The following ADCY2 variants were observed in gnomAD, a reference collection of about 807,000 sequenced individuals.
ADCY2 encodes the protein adenylate cyclase 2.
In ADCY2, 31 loss-of-function variants were observed where a neutral mutation model predicts 125.2. The ratio of observed to expected loss-of-function variants is 0.25; its 90% CI spans 0.19 to 0.33. ADCY2 has a LOEUF of 0.33. Among genes scored for constraint, ADCY2 ranks in the 10% least tolerant of loss-of-function variants. The probability of loss-of-function intolerance (pLI) is 1.00; values close to 1 mark genes in which losing one functional copy is unlikely to be tolerated. For missense variants in ADCY2, 904 were observed against 1,418.2 expected (o/e 0.64, Z 5.82); for synonymous variants, 512 against 548.4 (o/e 0.93, Z 0.93).
intron 3 of ADCY2, among the ~76,000 whole-genome samples, chr5:7,531,147 ATAAG>A (rs1734627426): frequency 6.6e-6 from 1 of 152,298 alleles, no homozygotes; most frequent in Admixed American, 6.5e-5. Flanking sequence ...ACTCCTTGGC[ATAAG>A]TAAGAGGGAA....
intron 3 of ADCY2, among the ~76,000 whole-genome samples, chr5:7,565,598 T>G (rs1235970357): frequency 6.6e-6 from 1 of 152,206 alleles, no homozygotes; most frequent in African/African-American, 2.4e-5. Context: ...ACAATTGTAG[T>G]TTGAGCTACA....
At chr5:7,769,894 G>A (rs1193410704) in intron 17 of ADCY2, among the ~76,000 whole-genome samples, 1 of 152,152 alleles carries the variant, frequency 6.6e-6, no homozygotes, top group Non-Finnish European at 1.5e-5. Flanking sequence ...TAGCAATCAG[G>A]TTACCAGTAA....
rs138985597 is a variant in ADCY2, at chr5:7,797,782, T to A, written c.2629-4436T>A. ...GAAAGAGGGTTTGGGTAGAATGTAG[T>A]GGGGATGAGCCCCCTCCTAGAGGGG... On this transcript the variant is annotated intron_variant, in intron 20 of 24. Coordinates refer to ENST00000338316, the MANE Select transcript of ADCY2 (RefSeq NM_020546.3). The A allele has an allele frequency of 6.9e-3, 1,055 of 152,150 alleles. 4 individuals carry two copies. The highest frequency in any genetic ancestry group is 0.023 in the Middle Eastern group (7 of 298). 9.4% of individuals were successfully genotyped at this position (152,150 alleles called of 1,614,324 possible). A position where few individuals can be genotyped will look rare whatever the true frequency, so the allele number is the denominator to read the frequency against.
At chr5:7,795,707 A>G (rs533297713) in intron 20 of ADCY2, 1 of 152,388 alleles carries the variant, frequency 6.6e-6, no homozygotes, top group East Asian at 1.9e-4. Flanking sequence ...AAAAGCAAGT[A>G]TAGCTATACT....
At chr5:7,783,623 C>T (rs1032701973) in intron 18 of ADCY2, among the ~76,000 whole-genome samples, 4 of 152,126 alleles carry the variant, frequency 2.6e-5, no homozygotes, top group Non-Finnish European at 5.9e-5. Context: ...GCTTATGTGA[C>T]GTGGTGTCCA....
chr5:7,455,012 A>G (rs1435282868), intron 2 of ADCY2, among the ~76,000 whole-genome samples: 1 of 152,158 alleles, frequency 6.6e-6, no homozygotes, highest in Non-Finnish European at 1.5e-5. Flanking sequence ...CTAGTCCGAA[A>G]GAGTGTTTAT....
At chr5:7,597,186 C>T (rs1426115981) in intron 3 of ADCY2, among the ~76,000 whole-genome samples, 2 of 152,248 alleles carry the variant, frequency 1.3e-5, no homozygotes, top group African/African-American at 4.8e-5. Context: ...GCTGCTATTT[C>T]TGGCTTATGC....
intron 2 of ADCY2, among the ~76,000 whole-genome samples, chr5:7,422,176 G>A (rs2126352941): frequency 6.6e-6 from 1 of 152,160 alleles, no homozygotes; most frequent in East Asian, 1.9e-4. Context: ...AAGCTTTTAA[G>A]TGATGTTTTA....
chr5:7,763,292 C>T (rs968338944), intron 16 of ADCY2, among the ~76,000 whole-genome samples: 1 of 151,604 alleles, frequency 6.6e-6, no homozygotes, highest in Non-Finnish European at 1.5e-5. Context: ...GGGGTTTCAC[C>T]ATGTTAGCCA....
intron 2 of ADCY2, among the ~76,000 whole-genome samples, chr5:7,454,804 C>G (rs1741608482): frequency 6.6e-6 from 1 of 152,016 alleles, no homozygotes; most frequent in Admixed American, 6.6e-5. Flanking sequence ...TTGCCTTTTT[C>G]ACATGTGTTT....
chr5:7,612,863 A>C (rs1737613332), intron 3 of ADCY2, among the ~76,000 whole-genome samples: 3 of 152,116 alleles, frequency 2.0e-5, no homozygotes, highest in Non-Finnish European at 4.4e-5. Context: ...GAAAATACAA[A>C]GAATTAGCCA....
intron 2 of ADCY2, among the ~76,000 whole-genome samples, chr5:7,513,522 G>C (rs1402031828): frequency 6.6e-6 from 1 of 152,166 alleles, no homozygotes; most frequent in African/African-American, 2.4e-5. Context: ...TGGTATCAAA[G>C]TCATCAGTAT....
intron 2 of ADCY2, among the ~76,000 whole-genome samples, chr5:7,428,662 A>G (rs1478740172): frequency 6.6e-6 from 1 of 152,188 alleles, no homozygotes. Context: ...TCCCAAGTAG[A>G]TAGTGTTTTG....
intron 3 of ADCY2, among the ~76,000 whole-genome samples, chr5:7,577,069 T>G (rs1469665324): frequency 6.6e-6 from 1 of 152,228 alleles, no homozygotes; most frequent in South Asian, 2.1e-4. Flanking sequence ...ATGATTCTGT[T>G]TTCCTTTAGT....
chr5:7,426,249 C>T (rs764149377), intron 2 of ADCY2, among the ~76,000 whole-genome samples: 11 of 152,160 alleles, frequency 7.2e-5, no homozygotes, highest in African/African-American at 2.2e-4. Flanking sequence ...GAGTTCTCAT[C>T]GTTTACTTTT....
chr5:7,676,394 A>G (rs571472888), intron 4 of ADCY2, among the ~76,000 whole-genome samples: 157 of 152,350 alleles, frequency 1.0e-3, no homozygotes, highest in African/African-American at 3.6e-3. Flanking sequence ...GAATCATGAA[A>G]CATACCTAAA....
chr5:7,572,428 A>G (rs1415016351), intron 3 of ADCY2, among the ~76,000 whole-genome samples: 2 of 151,614 alleles, frequency 1.3e-5, no homozygotes, highest in Non-Finnish European at 1.5e-5. Flanking sequence ...TTTTCATATG[A>G]TCGTTGGCCA....
intron 24 of ADCY2, among the ~76,000 whole-genome samples, chr5:7,821,179 G>A (rs1204643584): frequency 1.3e-5 from 2 of 152,106 alleles, no homozygotes; most frequent in Non-Finnish European, 2.9e-5. Flanking sequence ...CACCCAAGAG[G>A]GAGAAAGGAA....
chr5:7,745,256 A>G (rs1163890625), intron 15 of ADCY2, among the ~76,000 whole-genome samples: 1 of 152,178 alleles, frequency 6.6e-6, no homozygotes, highest in African/African-American at 2.4e-5. Flanking sequence ...AAGGGTGGTT[A>G]AGATTCCAAA....
Sources: allele counts gnomAD v4.1 joint callset (sites outside exome capture counted in the v4.1 genomes callset), GRCh38; gene constraint gnomAD v4.1.1; transcripts MANE v1.5; gene names NCBI Gene and HGNC (gene_info 2026-07-23, HGNC 2026-07-21).